CLYBL: variants seen among roughly 807,000 people sequenced by gnomAD.
CLYBL encodes the protein citramalyl-CoA lyase, also known as citramalyl-CoA lyase, mitochondrial.
In CLYBL, 31 loss-of-function variants were observed where a neutral mutation model predicts 38.9. The ratio of observed to expected loss-of-function variants is 0.80; its 90% confidence interval spans 0.60 to 1.08. The LOEUF (loss-of-function observed/expected upper bound fraction) is 1.08. CLYBL is among the 50% of genes least tolerant of loss of function. The probability of loss-of-function intolerance (pLI) is 0.00; values close to 1 mark genes in which losing one functional copy is unlikely to be tolerated. For synonymous variants in CLYBL, 171 were observed against 158.6 expected (o/e 1.08, Z -0.59); for missense variants, 434 against 411.6 (o/e 1.05, Z -0.47).
chr13:99,624,312 G>A (rs1236850797), intron 1 of CLYBL, among the ~76,000 whole-genome samples: 1 of 152,188 alleles, frequency 6.6e-6, no homozygotes, highest in East Asian at 1.9e-4. Flanking sequence ...AATGATTCTT[G>A]AATGACTGCA....
chr13:99,716,747 T>C (rs2048321254), intron 1 of CLYBL, among the ~76,000 whole-genome samples: 1 of 151,436 alleles, frequency 6.6e-6, no homozygotes, highest in South Asian at 2.1e-4. Flanking sequence ...GAAAAAATTA[T>C]GTGGGAAACT....
chr13:99,615,225 T>C (rs1030270716), intron 1 of CLYBL, among the ~76,000 whole-genome samples: 1 of 152,222 alleles, frequency 6.6e-6, no homozygotes, highest in Admixed American at 6.5e-5. Flanking sequence ...CTGACTGATA[T>C]ACTTTCTGAA....
chr13:99,872,670 T>C (rs1469667219), intron 7 of CLYBL, among the ~76,000 whole-genome samples: 1 of 152,196 alleles, frequency 6.6e-6, no homozygotes, highest in African/African-American at 2.4e-5. Context: ...GCACTGTGTC[T>C]ATGACCCATC....
chr13:99,801,495 T>C (rs564617363), intron 2 of CLYBL, among the ~76,000 whole-genome samples: 2 of 150,668 alleles, frequency 1.3e-5, no homozygotes, highest in Admixed American at 6.6e-5. Context: ...TGGAAAGAGA[T>C]AAAAGTTTTG....
chr13:99,741,588 G>A (rs569136382), intron 1 of CLYBL, among the ~76,000 whole-genome samples: 9 of 152,330 alleles, frequency 5.9e-5, no homozygotes, highest in South Asian at 4.1e-4. Flanking sequence ...GTCCCACTCC[G>A]CCGCCCAGAC....
At chr13:99,836,089 G>A (rs2050928046) in intron 2 of CLYBL, among the ~76,000 whole-genome samples, 1 of 152,162 alleles carries the variant, frequency 6.6e-6, no homozygotes, top group Non-Finnish European at 1.5e-5. Flanking sequence ...AAGTCCTCAG[G>A]GTGGGTGTTG....
At chr13:99,884,906 C>T (rs2052308297) in intron 7 of CLYBL, 1 of 460,994 alleles carries the variant, frequency 2.2e-6, no homozygotes, top group African/African-American at 2.0e-5. Flanking sequence ...CAGTCCCTTC[C>T]CTAAGGTCCC....
At chr13:99,863,795 C>G (rs968319376) in intron 4 of CLYBL, among the ~76,000 whole-genome samples, 10 of 152,172 alleles carry the variant, frequency 6.6e-5, no homozygotes, top group African/African-American at 2.4e-4. Context: ...CTAGCACCCC[C>G]TTTCAGAGTT....
chr13:99,782,755 A>G (rs1308575869), intron 2 of CLYBL, among the ~76,000 whole-genome samples: 1 of 151,516 alleles, frequency 6.6e-6, no homozygotes, highest in African/African-American at 2.4e-5. Context: ...TGTGTTTCCT[A>G]TATTTGTAGA....
At chr13:99,854,601 G>C (rs1282489464) in intron 2 of CLYBL, among the ~76,000 whole-genome samples, 1 of 152,212 alleles carries the variant, frequency 6.6e-6, no homozygotes, top group East Asian at 1.9e-4. Flanking sequence ...TCTTCCACTG[G>C]AGTGTAAAAG....
chr13:99,633,993 C>T (rs1236107065), intron 1 of CLYBL, among the ~76,000 whole-genome samples: 7 of 152,076 alleles, frequency 4.6e-5, no homozygotes, highest in African/African-American at 1.7e-4. Context: ...CAGAAATGTT[C>T]CAAATTCGGT....
chr13:99,796,424 A>C (rs1331241004), intron 2 of CLYBL, among the ~76,000 whole-genome samples: 1 of 152,156 alleles, frequency 6.6e-6, no homozygotes, highest in African/African-American at 2.4e-5. Flanking sequence ...AGATGATCTG[A>C]GATTGATTCC....
intron 1 of CLYBL, among the ~76,000 whole-genome samples, chr13:99,657,701 T>G (rs181542424): frequency 2.0e-5 from 3 of 152,356 alleles, no homozygotes; most frequent in Admixed American, 2.0e-4. Flanking sequence ...CTGAATTTTT[T>G]TTCTTTTTTG....
At chr13:99,821,857 T>C (rs749379027) in intron 2 of CLYBL, among the ~76,000 whole-genome samples, 2 of 152,234 alleles carry the variant, frequency 1.3e-5, no homozygotes, top group African/African-American at 4.8e-5. Flanking sequence ...GGAAAATGTC[T>C]GTGGTAGACC....
At chr13:99,821,280 C>T (rs1420602993) in intron 2 of CLYBL, among the ~76,000 whole-genome samples, 3 of 152,106 alleles carry the variant, frequency 2.0e-5, no homozygotes, top group Non-Finnish European at 2.9e-5. Context: ...TCGGTATCCT[C>T]GACTTGGCTT....
Position 99,871,094 on chromosome 13 carries a change from C to T in CLYBL, c.927+32C>T, listed in dbSNP as rs759548648. The T allele has an allele frequency of 1.9e-6, 3 of 1,609,622 alleles. No homozygotes were observed. The South Asian group carries it at 3.3e-5, about 18-fold the overall frequency. On this transcript the variant is annotated intron_variant, in intron 7 of 8. Transcript: ENST00000339105. ...GTTTTGTTAATGCCTTGGGTGAGAG[C>T]AGTATTGAAAATATTGTCGGGAAGA...
At chr13:99,906,462 G>T (rs1417214805) in intron 9 of CLYBL, among the ~76,000 whole-genome samples, 1 of 150,170 alleles carries the variant, frequency 6.7e-6, no homozygotes, top group Non-Finnish European at 1.5e-5. Flanking sequence ...TTGAGACAAA[G>T]TCTTGCTCGG....
chr13:99,698,853 G>A (rs964240816), intron 1 of CLYBL, among the ~76,000 whole-genome samples: 2 of 152,134 alleles, frequency 1.3e-5, no homozygotes, highest in Non-Finnish European at 2.9e-5. Context: ...CTGTGTGTCA[G>A]CATAAAAGCT....
At chr13:99,890,082 C>T (rs1340341483) in intron 7 of CLYBL, among the ~76,000 whole-genome samples, 2 of 152,218 alleles carry the variant, frequency 1.3e-5, no homozygotes, top group East Asian at 1.9e-4. Flanking sequence ...CAGACATTAA[C>T]TTTGGGTTCT....
Sources: allele counts gnomAD v4.1 joint callset (sites outside exome capture counted in the v4.1 genomes callset), GRCh38; gene constraint gnomAD v4.1.1; transcripts MANE v1.5; gene names NCBI Gene and HGNC (gene_info 2026-07-23, HGNC 2026-07-21).